Variants in PLCXD1 observed in about 807,000 individuals in gnomAD.
PLCXD1 encodes phosphatidylinositol specific phospholipase C X domain containing 1, also known as PI-PLC X domain-containing protein 1.
Under a neutral mutation model 37.8 loss-of-function variants are expected in PLCXD1, and 45 were observed. That is an observed-to-expected ratio of 1.19 (90% CI 0.94 to 1.53). The LOEUF (loss-of-function observed/expected upper bound fraction) is 1.53, where lower values mean the gene tolerates loss of function less well. PLCXD1 is among the 40% of genes most tolerant of loss of function. The probability of loss-of-function intolerance (pLI) is 0.00; values close to 1 mark genes in which losing one functional copy is unlikely to be tolerated. For missense variants in PLCXD1, 539 were observed against 454.7 expected (o/e 1.19, Z -1.69); for synonymous variants, 246 against 206.9 (o/e 1.19, Z -1.62).
intron 6 of PLCXD1, among the ~76,000 whole-genome samples, chrX:297,519 C>T (rs745512783): frequency 3.3e-4 from 15 of 45,442 alleles, no homozygotes; most frequent in Admixed American, 8.3e-4. Context: ...ATTCTGTCTC[C>T]CACATGGGGA....
intron 6 of PLCXD1, among the ~76,000 whole-genome samples, chrX:295,263 G>A (rs972355066): frequency 1.3e-5 from 2 of 152,044 alleles, no homozygotes; most frequent in African/African-American, 4.8e-5. Flanking sequence ...AGACAGCGTC[G>A]GCAGCCACGG....
intron 4 of PLCXD1, 60 bp downstream of exon 4, chrX:290,836 CAGG>C: frequency 6.9e-7 from 1 of 1,455,070 alleles, no homozygotes; most frequent in Non-Finnish European, 9.2e-7. Context: ...GGCACTGGTG[CAGG>C]TGCGGCCGGG....
chrX:285,497 TCTATG>T (rs1382249910), intron 2 of PLCXD1, among the ~76,000 whole-genome samples: 3 of 151,992 alleles, frequency 2.0e-5, no homozygotes, highest in Non-Finnish European at 4.4e-5. Context: ...CAGAGACACG[TCTATG>T]CAATGCATGT....
intron 6 of PLCXD1, among the ~76,000 whole-genome samples, chrX:295,776 C>T (rs1431352749): frequency 6.6e-6 from 1 of 151,944 alleles, no homozygotes; most frequent in Non-Finnish European, 1.5e-5. Flanking sequence ...ATCTGCCCGT[C>T]TCAGTCTCCC....
Position 285,279 on chromosome X carries a change from CAT to C in PLCXD1, c.127+967_127+968del, listed in dbSNP as rs1330966914. ...ACACATGTATACATGCACATAGGCT[CAT>C]ACACACATGGATGCACATACACATG... On this transcript the variant is annotated intron_variant, in intron 2 of 6. Transcript: ENST00000381657. Among the ~76,000 whole-genome samples, 10 of 152,270 alleles carry C rather than the reference CAT, an allele frequency of 6.6e-5. No individual in the cohort carries two copies. In the South Asian group the frequency reaches 1.4e-3, roughly 22 times the overall value.
rs1413678449 is a variant in PLCXD1, at chrX:299,476, G to T, written c.*141G>T. 8.4e-6 allele frequency: 6 copies of T among 718,240 alleles called. No homozygotes were observed. In the African/African-American group the frequency reaches 1.1e-4, roughly 13 times the overall value. The allele number at this position is 718,240 out of a possible 1,614,324, so 44.5% of individuals were successfully genotyped here. ...TTCATTTTCTTTAAAATAGAGATGG[G>T]GTGGCTGGGCGTGGTGACTTCGCCT... On this transcript the variant is annotated 3_prime_UTR_variant, in exon 7 of 7. Coordinates refer to ENST00000381657, the MANE Select transcript of PLCXD1 (RefSeq NM_018390.4).
intron 6 of PLCXD1, among the ~76,000 whole-genome samples, chrX:295,337 G>A (rs1430742024): frequency 1.3e-5 from 2 of 152,022 alleles, no homozygotes; most frequent in Non-Finnish European, 2.9e-5. Flanking sequence ...CCGCGGGGAC[G>A]GTGGCAGGTG....
chrX:294,481 C>T (rs868720442), intron 6 of PLCXD1, among the ~76,000 whole-genome samples: 1 of 93,766 alleles, frequency 1.1e-5, no homozygotes, highest in South Asian at 3.5e-4. Context: ...AACTCTGTCT[C>T]AAAAAAAAAA....
chrX:287,769 TTATATC>T (rs1436833190), intron 2 of PLCXD1, among the ~76,000 whole-genome samples: 1 of 148,762 alleles, frequency 6.7e-6, no homozygotes, highest in Non-Finnish European at 1.5e-5. Flanking sequence ...ATAGATATAT[TTATATC>T]TATATTTAAG....
At chrX:298,828 C>T (rs1405394603) in intron 6 of PLCXD1, among the ~76,000 whole-genome samples, 2 of 148,594 alleles carry the variant, frequency 1.3e-5, no homozygotes, top group Admixed American at 6.7e-5. Context: ...TCTTTGGGGC[C>T]ATTATTCTGT....
In PLCXD1 at chrX:293,103, C is replaced by A; in HGVS notation, c.618C>A (p.Ser206Arg). 1 of 1,612,038 alleles carries A rather than the reference C, an allele frequency of 6.2e-7. No individual in the cohort carries two copies. The highest frequency in any genetic ancestry group is 8.5e-7 in the Non-Finnish European group (1 of 1,179,608). Residue 206 changes from serine to arginine, a missense_variant, in exon 6 of 7, where the codon AGC (serine) becomes AGA (arginine). Physicochemically the swap from Ser to Arg is moderately radical, Grantham distance 110. Transcript: ENST00000381657. ...TCATCGTCTCCTATGAAGACGAGAG[C>A]TCCTTGCGCCGGCACCACGAGCTGT... ...QQVIVSYEDE[S>R]SLRRHHELWP...
chrX:299,502 G>A lies in PLCXD1; in HGVS notation c.*167G>A, dbSNP rs2069933132. ...GTGGCTGGGCGTGGTGACTTCGCCT[G>A]TCTTCCCAGCACTTTGGGAGGCCGA... is the stretch of plus-strand genomic sequence containing the variant. On this transcript the variant is annotated 3_prime_UTR_variant, in exon 7 of 7. Coordinates refer to ENST00000381657, the MANE Select transcript of PLCXD1 (RefSeq NM_018390.4). 1 of 638,468 alleles carries A rather than the reference G, an allele frequency of 1.6e-6. No individual in the cohort carries two copies. The highest frequency in any genetic ancestry group is 2.5e-5 in the Admixed American group (1 of 39,992). The allele number at this position is 638,468 out of a possible 1,614,324, so 39.6% of individuals were successfully genotyped here. A position where few individuals can be genotyped will look rare whatever the true frequency, so the allele number is the denominator to read the frequency against.
At chrX:289,541 C>T (rs1241960840) in intron 3 of PLCXD1, among the ~76,000 whole-genome samples, 1 of 130,942 alleles carries the variant, frequency 7.6e-6, no homozygotes, top group Non-Finnish European at 1.6e-5. Context: ...GAGACGGAGT[C>T]TCACTGCCGC....
rs1670372317 is a variant in PLCXD1, at chrX:301,560, C to T, written c.*2225C>T. 6.6e-6 allele frequency: 1 copy of T among 152,202 alleles called. No homozygotes were observed. Among genetic ancestry groups the T allele is most frequent in the Admixed American group, 6.6e-5 (1 of 15,258 alleles). The allele number at this position is 152,202 out of a possible 1,614,324, so 9.4% of individuals were successfully genotyped here. A position where few individuals can be genotyped will look rare whatever the true frequency, so the allele number is the denominator to read the frequency against. On this transcript the variant is annotated 3_prime_UTR_variant, in exon 7 of 7. Coordinates refer to ENST00000381657, the MANE Select transcript of PLCXD1 (RefSeq NM_018390.4). The stretch of plus-strand genomic sequence containing the variant: ...CTGGGCTGAAGCAATTCTCCCGCCT[C>T]AGCTTCCCAAGTAACTGGGAGTATA...
upstream of PLCXD1, among the ~76,000 whole-genome samples, chrX:279,741 A>G (rs1430942371): frequency 2.6e-5 from 4 of 151,494 alleles, no homozygotes; most frequent in Non-Finnish European, 4.4e-5. Flanking sequence ...GACACTGCAC[A>G]CCAGTCTGCG....
intron 6 of PLCXD1, among the ~76,000 whole-genome samples, chrX:296,418 C>A (rs1402652095): frequency 2.6e-5 from 4 of 152,180 alleles, no homozygotes; most frequent in Admixed American, 1.3e-4. Flanking sequence ...CCACCGTGCC[C>A]AGCCTAGAAA....
intron 6 of PLCXD1, among the ~76,000 whole-genome samples, chrX:297,408 A>G (rs370605816): frequency 5.2e-5 from 4 of 77,228 alleles, no homozygotes; most frequent in African/African-American, 9.5e-5. Flanking sequence ...CTTTGGGGCC[A>G]TTATTCTGTC....
chrX:293,323 T>C, intron 6 of PLCXD1, 105 bp downstream of exon 6: 1 of 860,690 alleles, frequency 1.2e-6, no homozygotes, highest in Admixed American at 2.4e-5. Flanking sequence ...GTGAAAACAA[T>C]TTAAAAGGAA....
At position 288,841 on chromosome X, in the gene PLCXD1, C is replaced by G. The variant is rs144190940; in HGVS notation, c.236C>G (p.Pro79Arg). Residue 79 changes from proline (P) to arginine (R), a missense_variant, in exon 3 of 7, where the codon CCT (proline) becomes CGT (arginine). Transcript: ENST00000381657. Reference protein sequence around the residue: ...LNKALPCITRPVVLKWSVTQA... With the variant: ...LNKALPCITRRVVLKWSVTQA... ...AAGGCCTTGCCCTGCATCACGCGCC[C>G]TGTCGTGCTGAAATGGTCCGTCACC... The G allele has an allele frequency of 1.5e-4, 237 of 1,613,110 alleles. No homozygotes were observed. Among genetic ancestry groups the G allele is most frequent in the Non-Finnish European group, 1.9e-4 (227 of 1,179,780 alleles).
Sources: gnomAD v4.1 joint callset for allele counts (sites outside exome capture counted in the v4.1 genomes callset) on GRCh38, gnomAD v4.1.1 for gene constraint, MANE v1.5 for transcripts, NCBI Gene and HGNC (gene_info 2026-07-23, HGNC 2026-07-21) for gene names.